Variants in TTLL5 observed in about 807,000 individuals in gnomAD.
TTLL5 encodes the protein tubulin polyglutamylase TTLL5.
In TTLL5, 132 loss-of-function variants were observed where a neutral mutation model predicts 168.4. The observed-to-expected ratio is 0.78, with a 90% CI of 0.68 to 0.91. The LOEUF is 0.91. Ranked by LOEUF, TTLL5 falls within the 40% of genes least tolerant of loss-of-function variation. TTLL5 has a pLI of 0.00. For synonymous variants in TTLL5, 546 were observed against 558.6 expected (o/e 0.98, Z 0.32); for missense variants, 1,545 against 1,581.5 (o/e 0.98, Z 0.39).
chr14:75,785,103 T>TC (rs1354580829), intron 26 of TTLL5, among the ~76,000 whole-genome samples: 1 of 152,114 alleles, frequency 6.6e-6, no homozygotes, highest in African/African-American at 2.4e-5. Context: ...CTGTTTTTTT[T>TC]CTATTGTCAC....
At chr14:75,899,168 C>T (rs766985772) in intron 30 of TTLL5, among the ~76,000 whole-genome samples, 15 of 152,322 alleles carry the variant, frequency 9.8e-5, no homozygotes, top group Non-Finnish European at 2.1e-4. Context: ...CACCATCTTA[C>T]GTAGTCTTCA....
At position 75,717,957 on chromosome 14, in the gene TTLL5, C is replaced by T. The variant is rs370570234; in HGVS notation, c.837C>T (p.Tyr279=). 4.1e-5 allele frequency: 66 copies of T among 1,613,064 alleles called. No individual in the cohort carries two copies. The highest frequency in any genetic ancestry group is 5.2e-5 in the Non-Finnish European group (61 of 1,179,762). Residue 279 remains tyrosine (Y), a synonymous_variant, in exon 10 of 32, where the codon TAC becomes TAT. Transcript: ENST00000298832. ...GTGTCAACAAGAAAAGTGGAGATTA[C>T]GTCAGGTACTGGCTGTGTCTGAGCC... The part of the protein sequence containing the change: ...NYSVNKKSGD[Y]VSCDDPEVED...
At chr14:75,679,049 C>T (rs1473085917) in intron 3 of TTLL5, among the ~76,000 whole-genome samples, 1 of 152,114 alleles carries the variant, frequency 6.6e-6, no homozygotes, top group Non-Finnish European at 1.5e-5. Flanking sequence ...ATAGCTTTCT[C>T]TTGTGTGGTA....
chr14:75,937,611 T>C (rs1421478142), intron 31 of TTLL5, among the ~76,000 whole-genome samples: 1 of 152,180 alleles, frequency 6.6e-6, no homozygotes, highest in Non-Finnish European at 1.5e-5. Flanking sequence ...ATAAGTGGAA[T>C]CATACGGTAT....
intron 15 of TTLL5, 71 bp from the exon 16 acceptor site, chr14:75,745,024 G>T (rs1594959400): frequency 3.3e-6 from 4 of 1,217,618 alleles, no homozygotes; most frequent in Non-Finnish European, 4.7e-6. Flanking sequence ...TTGAGGGAAT[G>T]AACAGAGGGT....
intron 30 of TTLL5, among the ~76,000 whole-genome samples, chr14:75,888,188 T>C (rs772889711): frequency 2.0e-5 from 3 of 152,184 alleles, no homozygotes; most frequent in Admixed American, 1.3e-4. Context: ...GGGTTGCTTT[T>C]GGCATGGACA....
intron 2 of TTLL5, among the ~76,000 whole-genome samples, chr14:75,668,113 T>C (rs190063893): frequency 6.6e-6 from 1 of 152,104 alleles, no homozygotes; most frequent in Admixed American, 6.6e-5. Flanking sequence ...GCCCTGAGAT[T>C]TGTGGTATGA....
chr14:75,900,386 G>A (rs897415335), intron 30 of TTLL5, among the ~76,000 whole-genome samples: 3 of 152,096 alleles, frequency 2.0e-5, no homozygotes, highest in East Asian at 1.9e-4. Context: ...CTTCTCAAGC[G>A]GCATGTCTCT....
chr14:75,679,784 A>G (rs1594857405), intron 3 of TTLL5, among the ~76,000 whole-genome samples: 1 of 152,276 alleles, frequency 6.6e-6, no homozygotes, highest in African/African-American at 2.4e-5. Context: ...GTTTCTTATG[A>G]TGATACTGCA....
At chr14:75,672,656 T>C (rs1003103931) in intron 3 of TTLL5, among the ~76,000 whole-genome samples, 1 of 152,236 alleles carries the variant, frequency 6.6e-6, no homozygotes, top group Non-Finnish European at 1.5e-5. Context: ...GCTGGCCTCA[T>C]AGAATGGGTT....
At chr14:75,691,484 C>T (rs1275108462) in intron 6 of TTLL5, among the ~76,000 whole-genome samples, 1 of 152,118 alleles carries the variant, frequency 6.6e-6, no homozygotes, top group African/African-American at 2.4e-5. Context: ...TTAGATGAGG[C>T]GACTAAGGTA....
At chr14:75,914,275 A>G (rs2033520285) in intron 31 of TTLL5, among the ~76,000 whole-genome samples, 1 of 151,548 alleles carries the variant, frequency 6.6e-6, no homozygotes, top group Non-Finnish European at 1.5e-5. Flanking sequence ...AAGACCATAA[A>G]CTTTTTGAGG....
chr14:75,753,025 G>A (rs1369995831), intron 18 of TTLL5, 70 bp downstream of exon 18: 1 of 1,431,888 alleles, frequency 7.0e-7, no homozygotes, highest in Non-Finnish European at 9.7e-7. Flanking sequence ...GTCAAAGAAG[G>A]AAACAGACCT....
intron 28 of TTLL5, chr14:75,820,906 G>T (rs754473891): frequency 6.6e-6 from 1 of 152,004 alleles, no homozygotes; most frequent in Non-Finnish European, 1.5e-5. Flanking sequence ...ATGCGCTAGA[G>T]AGAAATGTGA....
intron 3 of TTLL5, among the ~76,000 whole-genome samples, chr14:75,670,400 C>T (rs1320583151): frequency 4.6e-5 from 7 of 151,764 alleles, no homozygotes; most frequent in Non-Finnish European, 8.8e-5. Context: ...ACGGAAAAGT[C>T]GTTTGGACAC....
intron 27 of TTLL5, among the ~76,000 whole-genome samples, chr14:75,795,525 C>T: frequency 6.6e-6 from 1 of 152,206 alleles, no homozygotes; most frequent in Non-Finnish European, 1.5e-5. Flanking sequence ...GCACCTATCA[C>T]CCAAGTAGTG....
At chr14:75,740,108 C>A (rs769923822) in intron 15 of TTLL5, among the ~76,000 whole-genome samples, 1 of 152,092 alleles carries the variant, frequency 6.6e-6, no homozygotes, top group African/African-American at 2.4e-5. Flanking sequence ...TGGCACTAAC[C>A]CCTAACTGGA....
chr14:75,803,124 A>G (rs892690561), intron 27 of TTLL5: 10 of 152,224 alleles, frequency 6.6e-5, no homozygotes, highest in Admixed American at 1.3e-4. Context: ...TCTGAGACAC[A>G]ATTGCTTTGC....
intron 26 of TTLL5, among the ~76,000 whole-genome samples, chr14:75,784,815 T>C (rs528751856): frequency 1.4e-4 from 21 of 152,354 alleles, no homozygotes; most frequent in Non-Finnish European, 3.1e-4. Flanking sequence ...TTTGTGGTTA[T>C]GATTTGCATT....
Sources: gnomAD v4.1 joint callset for allele counts (sites outside exome capture counted in the v4.1 genomes callset) on GRCh38, gnomAD v4.1.1 for gene constraint, MANE v1.5 for transcripts, NCBI Gene and HGNC (gene_info 2026-07-23, HGNC 2026-07-21) for gene names.